Variants in CSAD observed in about 807,000 individuals in gnomAD.
CSAD encodes the protein P-selectin cytoplasmic tail-associated protein.
A neutral mutation model predicts 61.5 loss-of-function variants in CSAD; 47 were observed. The observed-to-expected ratio is 0.76, with a 90% confidence interval of 0.60 to 0.97. The LOEUF is 0.97. CSAD is among the 50% of genes least tolerant of loss of function. The probability of loss-of-function intolerance (pLI) is 0.00; values close to 1 mark genes in which losing one functional copy is unlikely to be tolerated. For missense variants in CSAD, 611 were observed against 643.6 expected (o/e 0.95, Z 0.55); for synonymous variants, 245 against 252.7 (o/e 0.97, Z 0.29).
rs1413918504 is a variant in CSAD, at chr12:53,158,203, A to G, written c.*308T>C. 3 of 206,652 alleles carry G rather than the reference A, an allele frequency of 1.5e-5. No homozygotes were observed. The highest frequency in any genetic ancestry group is 1.3e-4 in the East Asian group (1 of 7,956). 12.8% of individuals were successfully genotyped at this position (206,652 alleles called of 1,614,324 possible). ...GCCCAGCCTGGAGTGCAGGGGTGCA[A>G]TCTCGGCTCACTGCAACCTCTGCCC... On this transcript the variant is annotated 3_prime_UTR_variant, in exon 17 of 17. Coordinates refer to ENST00000444623, the MANE Select transcript of CSAD (RefSeq NM_001244705.2).
At chr12:53,167,779 T>C (rs979104720) in intron 10 of CSAD, among the ~76,000 whole-genome samples, 5 of 152,210 alleles carry the variant, frequency 3.3e-5, no homozygotes, top group Non-Finnish European at 5.9e-5. Flanking sequence ...GCTGGTGGGA[T>C]TGTAAACTGG....
chr12:53,159,784 C>T, intron 15 of CSAD, 72 bp from the exon 16 acceptor site: 1 of 1,525,106 alleles, frequency 6.6e-7, no homozygotes, highest in African/African-American at 1.4e-5. Context: ...TGCCCCTTTC[C>T]CCTCTCCCTG....
intron 10 of CSAD, 131 bp from the exon 11 acceptor site, chr12:53,161,520 C>A: frequency 1.5e-6 from 1 of 688,844 alleles, no homozygotes; most frequent in African/African-American, 1.8e-5. Flanking sequence ...CAATGTGTTA[C>A]TGTCCTTTTT....
chr12:53,158,441 G>A lies in CSAD; in HGVS notation c.*70C>T. 3 of 1,522,202 alleles carry A rather than the reference G, an allele frequency of 2.0e-6. No individual in the cohort carries two copies. Among genetic ancestry groups the A allele is most frequent in the South Asian group, 2.4e-5 (2 of 82,774 alleles). The allele number at this position is 1,522,202 out of a possible 1,614,324, so 94.3% of individuals were successfully genotyped here. A position where few individuals can be genotyped will look rare whatever the true frequency, so the allele number is the denominator to read the frequency against. ...GTGAGCCACTGCACCCGGCCTCAAA[G>A]GCTGGGAGGGAATGCAGTGACTCTG... On this transcript the variant is annotated 3_prime_UTR_variant, in exon 17 of 17. Transcript: ENST00000444623.
Position 53,180,740 on chromosome 12 carries a change from C to A in CSAD, c.-99G>T. ...GGTGTTTGTAAACTTGCCTCGGTCC[C>A]GGTGGGGGCAGCCGCGGCGGTGGGG... On this transcript the variant is annotated 5_prime_UTR_variant, in exon 1 of 17. Coordinates refer to ENST00000444623, the MANE Select transcript of CSAD (RefSeq NM_001244705.2). 2 of 1,263,510 alleles carry A rather than the reference C, an allele frequency of 1.6e-6. No homozygotes were observed. The highest frequency in any genetic ancestry group is 2.0e-6 in the Non-Finnish European group (2 of 976,484). The allele number at this position is 1,263,510 out of a possible 1,614,324, so 78.3% of individuals were successfully genotyped here.
intron 2 of CSAD, 122 bp from the exon 3 acceptor site, chr12:53,173,892 C>A (rs1940887329): frequency 1.0e-6 from 1 of 981,910 alleles, no homozygotes; most frequent in South Asian, 1.5e-5. Flanking sequence ...AGAACATTTT[C>A]ATCACCCAAA....
At chr12:53,173,544 T>TCGG (rs1940848294) in intron 3 of CSAD, 68 bp from the exon 4 acceptor site, 19 of 1,611,860 alleles carry the variant, frequency 1.2e-5, no homozygotes, top group Non-Finnish European at 1.6e-5. Flanking sequence ...AGCAGGAGCC[T>TCGG]CCTCTCCCAA....
Position 53,158,252 on chromosome 12 carries a change from C to T in CSAD, c.*259G>A, listed in dbSNP as rs1938778668. On this transcript the variant is annotated 3_prime_UTR_variant, in exon 17 of 17. Transcript: ENST00000444623. The stretch of plus-strand genomic sequence containing the variant: ...CCCCTGGGTTCAAGCAATTCTGCCC[C>T]AACCTCCTGAGTAGCTGGGTTTACA... The T allele has an allele frequency of 1.1e-5, 3 of 276,238 alleles. No homozygotes were observed. Among genetic ancestry groups the T allele is most frequent in the Non-Finnish European group, 2.1e-5 (3 of 143,898 alleles). The allele number at this position is 276,238 out of a possible 1,614,324, so 17.1% of individuals were successfully genotyped here. A position where few individuals can be genotyped will look rare whatever the true frequency, so the allele number is the denominator to read the frequency against.
chr12:53,172,109 G>A (rs1940654724), intron 6 of CSAD, 121 bp from the exon 7 acceptor site: 6 of 750,318 alleles, frequency 8.0e-6, no homozygotes, highest in East Asian at 2.7e-5. Context: ...ACAGTCCAAG[G>A]AGAAGAACGA....
At chr12:53,169,202 G>A (rs943750569) in intron 10 of CSAD, among the ~76,000 whole-genome samples, 3 of 145,932 alleles carry the variant, frequency 2.1e-5, no homozygotes, top group African/African-American at 5.1e-5. Context: ...AAAAATGGCC[G>A]GGTGCAATGG....
chr12:53,159,970 G>C (rs761480940), intron 14 of CSAD, 32 bp from the exon 15 acceptor site: 1 of 1,603,150 alleles, frequency 6.2e-7, no homozygotes, highest in African/African-American at 1.3e-5. Flanking sequence ...CCATAGGCGG[G>C]GAGGAAAAGC....
intron 10 of CSAD, among the ~76,000 whole-genome samples, chr12:53,168,251 G>A (rs1346644803): frequency 2.0e-5 from 3 of 152,114 alleles, no homozygotes; most frequent in Non-Finnish European, 2.9e-5. Context: ...AAGGGTATGG[G>A]GTTTCTTTAG....
chr12:53,158,615 T>C lies in CSAD; in HGVS notation c.1378A>G (p.Thr460Ala), dbSNP rs1216927816. The C allele has an allele frequency of 3.7e-6, 6 of 1,613,522 alleles. No homozygotes were observed. The African/African-American group carries it at 6.7e-5, about 18-fold the overall frequency. The change falls in exon 17 of 17, where the codon ACC becomes GCC. Residue 460 changes from threonine (T) to alanine (A), a missense_variant. Coordinates refer to ENST00000444623, the MANE Select transcript of CSAD (RefSeq NM_001244705.2). The stretch of plus-strand genomic sequence containing the variant: ...ACCACACGGAAGAAGTTGCCCCGGG[T>C]CCCGTGGGGCTGGTAGCCAATCATC... ...SMMIGYQPHG[T>A]RGNFFRVVVA...
At chr12:53,181,247 G>A, upstream of CSAD, 9 of 985,412 alleles carry the variant, frequency 9.1e-6, no homozygotes, top group Non-Finnish European at 1.1e-5. Flanking sequence ...CGGGGAGAAC[G>A]CACACGTGTG....
At chr12:53,166,753 GC>G (rs1939987948) in intron 10 of CSAD, among the ~76,000 whole-genome samples, 2 of 152,072 alleles carry the variant, frequency 1.3e-5, no homozygotes, top group South Asian at 2.1e-4. Context: ...CTGAGACTGT[GC>G]CACTGCCCTC....
At chr12:53,174,654 C>T (rs913938431) in intron 2 of CSAD, among the ~76,000 whole-genome samples, 2 of 151,502 alleles carry the variant, frequency 1.3e-5, no homozygotes, top group South Asian at 2.1e-4. Context: ...ATTAGCCGGG[C>T]GTGGTGGCGG....
At chr12:53,179,487 G>A (rs1306060105) in intron 1 of CSAD, 2 of 423,194 alleles carry the variant, frequency 4.7e-6, no homozygotes, top group East Asian at 4.5e-5. Flanking sequence ...TTTGCGTTGT[G>A]TCGATTTGTA....
intron 10 of CSAD, among the ~76,000 whole-genome samples, chr12:53,163,061 CAA>C (rs139430790): frequency 2.4e-4 from 27 of 112,444 alleles, no homozygotes; most frequent in Admixed American, 3.7e-4. Flanking sequence ...AACTCTGTCT[CAA>C]AAAAAAAAAA....
rs1939094960 is a variant in CSAD, at chr12:53,160,078, G to T, written c.1166+42C>A. Reference sequence around the variant, plus strand: ...GGAAAGAGGGAGGGGCATGGACCCAGGAGAGGGGAACAGGGACGACCCCCC... The same window carrying T: ...GGAAAGAGGGAGGGGCATGGACCCATGAGAGGGGAACAGGGACGACCCCCC... On this transcript the variant is annotated intron_variant, in intron 14 of 16. Coordinates refer to ENST00000444623, the MANE Select transcript of CSAD (RefSeq NM_001244705.2). 3 of 1,609,470 alleles carry T rather than the reference G, an allele frequency of 1.9e-6. No individual in the cohort carries two copies. The African/African-American group carries it at 4.0e-5, about 22-fold the overall frequency.
Sources: allele counts gnomAD v4.1 joint callset (sites outside exome capture counted in the v4.1 genomes callset), GRCh38; gene constraint gnomAD v4.1.1; transcripts MANE v1.5; gene names NCBI Gene and HGNC (gene_info 2026-07-23, HGNC 2026-07-21).